SETD3: variants seen among roughly 807,000 people sequenced by gnomAD.
The protein encoded by SETD3 is SET domain containing 3, actin N3(tau)-histidine methyltransferase.
In SETD3, 19 loss-of-function variants were observed where a neutral mutation model predicts 63.0. The observed-to-expected ratio is 0.30, with a 90% CI of 0.21 to 0.44. The LOEUF (loss-of-function observed/expected upper bound fraction) is 0.44. Ranked by LOEUF, SETD3 falls within the 20% of genes least tolerant of loss-of-function variation. The pLI, the probability that SETD3 is intolerant of heterozygous loss-of-function variation, is 1.00. For missense variants in SETD3, 587 were observed against 728.5 expected (o/e 0.81, Z 2.24); for synonymous variants, 286 against 264.1 (o/e 1.08, Z -0.80).
intron 6 of SETD3, among the ~76,000 whole-genome samples, chr14:99,417,822 T>G (rs1892363689): frequency 6.6e-6 from 1 of 152,146 alleles, no homozygotes; most frequent in Non-Finnish European, 1.5e-5. Context: ...TAAAAGTATT[T>G]CCATAAATAC....
chr14:99,463,161 T>C (rs1213729000), intron 3 of SETD3, among the ~76,000 whole-genome samples: 3 of 152,254 alleles, frequency 2.0e-5, no homozygotes, highest in South Asian at 4.1e-4. Context: ...ATACACTATA[T>C]GCACTGTCCT....
At chr14:99,449,640 A>T (rs1332211607) in intron 6 of SETD3, among the ~76,000 whole-genome samples, 1 of 152,218 alleles carries the variant, frequency 6.6e-6, no homozygotes, top group African/African-American at 2.4e-5. Flanking sequence ...AGAAGATTCG[A>T]CAACTAAATG....
chr14:99,456,544 C>T (rs1010545256), intron 6 of SETD3, among the ~76,000 whole-genome samples: 18 of 152,208 alleles, frequency 1.2e-4, no homozygotes, highest in African/African-American at 2.9e-4. Flanking sequence ...GCTTCTCAAT[C>T]GTTTACTTTT....
chr14:99,486,013 G>C, the SETD3 span, among the ~76,000 whole-genome samples: 1 of 151,846 alleles, frequency 6.6e-6, no homozygotes, highest in African/African-American at 2.4e-5. Flanking sequence ...ATCCTATACC[G>C]TACAAATTAC....
Position 99,476,242 on chromosome 14 carries a change from GATA to G in SETD3, c.-9+4483_-9+4485del, listed in dbSNP as rs777558332. The stretch of plus-strand genomic sequence containing the variant: ...GCACACCTCAATGACAAATCTTACT[GATA>G]ATAATATTTCATGAGTTCGGCTCAA... On this transcript the variant is annotated intron_variant, in intron 1 of 12. Transcript: ENST00000331768. Among the ~76,000 whole-genome samples, 8 of 152,346 alleles carry G rather than the reference GATA, an allele frequency of 5.3e-5. No individual in the cohort carries two copies. In the South Asian group the frequency reaches 1.0e-3, roughly 20 times the overall value.
intron 4 of SETD3, among the ~76,000 whole-genome samples, chr14:99,460,126 C>G (rs939075167): frequency 7.3e-5 from 11 of 151,636 alleles, no homozygotes; most frequent in Non-Finnish European, 1.2e-4. Context: ...TTGTCCCTTA[C>G]TATATAGATT....
rs377695251 is a variant in SETD3, at chr14:99,400,089, G to A, written c.1338+10C>T. 6 of 1,598,046 alleles carry A rather than the reference G, an allele frequency of 3.8e-6. No individual in the cohort carries two copies. In the Admixed American group the frequency reaches 5.2e-5, roughly 14 times the overall value. On this transcript the variant is annotated intron_variant, in intron 12 of 12. Transcript: ENST00000331768. ...ACAAGTTCAAAACCTCATTTATTTA[G>A]TGTAATTACCTCAATAGTTGTTTTA...
At chr14:99,442,892 G>A (rs552502633) in intron 6 of SETD3, among the ~76,000 whole-genome samples, 17 of 152,260 alleles carry the variant, frequency 1.1e-4, no homozygotes, top group Admixed American at 7.8e-4. Context: ...TAAGAGGGGA[G>A]CGAATACCCA....
intron 6 of SETD3, among the ~76,000 whole-genome samples, chr14:99,433,508 G>T (rs1187010001): frequency 6.6e-6 from 1 of 151,926 alleles, no homozygotes; most frequent in Non-Finnish European, 1.5e-5. Context: ...TGCGATCTTG[G>T]CTCACTGCAA....
intron 6 of SETD3, among the ~76,000 whole-genome samples, chr14:99,437,747 T>C (rs562192062): frequency 6.6e-6 from 1 of 152,352 alleles, no homozygotes; most frequent in Non-Finnish European, 1.5e-5. Context: ...AGTTTTGAGA[T>C]ACTATTTCAA....
At position 99,398,778 on chromosome 14, in the gene SETD3, C is replaced by T. The variant is rs1485517517; in HGVS notation, c.1686G>A (p.Gly562=). ...LVNGENSIPN[G]TRSENESLNQ... ...TGAGACTTTCATTTTCGGACCTGGT[C>T]CCATTAGGGATAGAGTTTTCACCGT... Residue 562 remains glycine (G), a synonymous_variant, in exon 13 of 13, where the codon GGG becomes GGA. Coordinates refer to ENST00000331768, the MANE Select transcript of SETD3 (RefSeq NM_032233.3). 2 of 1,614,038 alleles carry T rather than the reference C, an allele frequency of 1.2e-6. No homozygotes were observed. The highest frequency in any genetic ancestry group is 1.7e-5 in the Admixed American group (1 of 60,002).
At chr14:99,435,781 C>A (rs1893448638) in intron 6 of SETD3, among the ~76,000 whole-genome samples, 2 of 147,098 alleles carry the variant, frequency 1.4e-5, no homozygotes, top group East Asian at 4.0e-4. Context: ...AACTGAGGCT[C>A]AGATTGCTTG....
chr14:99,400,597 G>C (rs895403827), intron 11 of SETD3, among the ~76,000 whole-genome samples: 1 of 152,030 alleles, frequency 6.6e-6, no homozygotes, highest in Non-Finnish European at 1.5e-5. Context: ...CCCTTATTTT[G>C]ACAATACCCC....
At chr14:99,449,544 G>A (rs1042707415) in intron 6 of SETD3, among the ~76,000 whole-genome samples, 1 of 152,186 alleles carries the variant, frequency 6.6e-6, no homozygotes, top group Non-Finnish European at 1.5e-5. Flanking sequence ...AAAGTAACCG[G>A]TCAGGCCAGC....
Position 99,404,142 on chromosome 14 carries a change from C to T in SETD3, c.1177+83G>A, listed in dbSNP as rs535600063. 80 of 1,109,380 alleles carry T rather than the reference C, an allele frequency of 7.2e-5. No homozygotes were observed. The African/African-American group carries it at 1.2e-3, about 17-fold the overall frequency. The allele number at this position is 1,109,380 out of a possible 1,614,324, so 68.7% of individuals were successfully genotyped here. A position where few individuals can be genotyped will look rare whatever the true frequency, so the allele number is the denominator to read the frequency against. On this transcript the variant is annotated intron_variant, in intron 11 of 12. Coordinates refer to ENST00000331768, the MANE Select transcript of SETD3 (RefSeq NM_032233.3). Reference sequence around the variant, plus strand: ...GTACTGTAGTTTTAATCCACTTTACCTTTAATCTGAATCCCTATGCTTTAC... The same window carrying T: ...GTACTGTAGTTTTAATCCACTTTACTTTTAATCTGAATCCCTATGCTTTAC...
At chr14:99,404,487 G>A (rs1231811524) in intron 10 of SETD3, among the ~76,000 whole-genome samples, 177 bp from the exon 11 acceptor site, 3 of 152,188 alleles carry the variant, frequency 2.0e-5, no homozygotes, top group African/African-American at 7.2e-5. Flanking sequence ...GCAAAAGGCC[G>A]CAGGCTGGGG....
At chr14:99,483,115 C>G (rs139130219), upstream of SETD3, among the ~76,000 whole-genome samples, 22 of 152,268 alleles carry the variant, frequency 1.4e-4, 1 homozygote, top group East Asian at 4.2e-3. Context: ...TCTGTTTTCA[C>G]ATAGAACCAT....
chr14:99,428,260 A>G (rs1250881213), intron 6 of SETD3, among the ~76,000 whole-genome samples: 1 of 152,212 alleles, frequency 6.6e-6, no homozygotes, highest in Non-Finnish European at 1.5e-5. Context: ...GTAAGTTAGT[A>G]TCCATCCAGG....
chr14:99,471,097 G>A (rs1380009891), intron 1 of SETD3, among the ~76,000 whole-genome samples: 2 of 152,096 alleles, frequency 1.3e-5, no homozygotes, highest in African/African-American at 4.8e-5. Context: ...GAACCTCTGT[G>A]ACCTCACCCA....
Sources: gnomAD v4.1 joint callset for allele counts (sites outside exome capture counted in the v4.1 genomes callset) on GRCh38, gnomAD v4.1.1 for gene constraint, MANE v1.5 for transcripts, NCBI Gene and HGNC (gene_info 2026-07-23, HGNC 2026-07-21) for gene names.